The following RGL3 variants were observed in gnomAD, a reference collection of about 807,000 sequenced individuals.
RGL3 encodes the protein ral guanine nucleotide dissociation stimulator like 3.
Under a neutral mutation model 90.6 loss-of-function variants are expected in RGL3, and 85 were observed. The ratio of observed to expected loss-of-function variants is 0.94; its 90% CI spans 0.79 to 1.12. The LOEUF (loss-of-function observed/expected upper bound fraction) is 1.12. Among genes scored for constraint, RGL3 ranks in the 50% most tolerant of loss-of-function variants. The probability of loss-of-function intolerance (pLI) is 0.00; values close to 1 mark genes in which losing one functional copy is unlikely to be tolerated. For missense variants in RGL3, 1,034 were observed against 939.2 expected (o/e 1.10, Z -1.32); for synonymous variants, 408 against 385.5 (o/e 1.06, Z -0.68).
At chr19:11,401,427 G>A (rs1479415398) in intron 13 of RGL3, among the ~76,000 whole-genome samples, 2 of 144,498 alleles carry the variant, frequency 1.4e-5, no homozygotes, top group African/African-American at 5.2e-5. Flanking sequence ...ACGGAGTCTC[G>A]CTCTGTTGCC....
In RGL3 at chr19:11,416,059, C is replaced by T. The variant is rs200092682; in HGVS notation, c.515G>A (p.Arg172Gln). 1.5e-5 allele frequency: 24 copies of T among 1,613,462 alleles called. No individual in the cohort carries two copies. The highest frequency in any genetic ancestry group is 5.3e-5 in the African/African-American group (4 of 74,940). ...HPAHSDLGSV[R>Q]TFLGWAAPGS... ...TGGGGCCGCCCAGCCCAGAAAGGTT[C>T]GGACACTGCCCAGGTCCGAATGGGC... is the stretch of plus-strand genomic sequence containing the variant. The change falls in exon 5 of 19, where the codon CGA (arginine) becomes CAA (glutamine). Residue 172 changes from arginine to glutamine, a missense_variant. By Grantham distance (43) the Arg-to-Gln change is conservative. Transcript: ENST00000380456.
At chr19:11,409,689 A>G (rs1013003196) in intron 5 of RGL3, among the ~76,000 whole-genome samples, 8 of 152,182 alleles carry the variant, frequency 5.3e-5, no homozygotes, top group Non-Finnish European at 1.0e-4. Flanking sequence ...TGATGTCCCC[A>G]GAACCTATGT....
chr19:11,408,197 C>T (rs1286750537), intron 5 of RGL3, among the ~76,000 whole-genome samples: 1 of 152,228 alleles, frequency 6.6e-6, no homozygotes, highest in East Asian at 1.9e-4. Flanking sequence ...AACACCTGGG[C>T]TCAAGCGATC....
Position 11,402,824 on chromosome 19 carries a change from T to C in RGL3, c.1186-118A>G, listed in dbSNP as rs1255571804. 316 of 894,022 alleles carry C rather than the reference T, an allele frequency of 3.5e-4. 4 individuals carry two copies. The highest frequency in any genetic ancestry group is 3.6e-5 in the Non-Finnish European group (21 of 576,924). 55.4% of individuals were successfully genotyped at this position (894,022 alleles called of 1,614,324 possible). The stretch of plus-strand genomic sequence containing the variant: ...GCTTTGAGTAATCAAAAGTCAGTGG[T>C]AGGCCAGGTGCGATGGCTCACGCCT... On this transcript the variant is annotated intron_variant, in intron 9 of 18. Transcript: ENST00000380456.
intron 5 of RGL3, among the ~76,000 whole-genome samples, chr19:11,409,158 A>G (rs1599438647): frequency 6.8e-6 from 1 of 147,598 alleles, no homozygotes. Flanking sequence ...TGGGTGACAG[A>G]GACTTTGTCT....
intron 9 of RGL3, among the ~76,000 whole-genome samples, chr19:11,403,937 A>C (rs1968725100): frequency 1.3e-5 from 2 of 152,234 alleles, no homozygotes. Context: ...GCTGGAGTGC[A>C]GTGGCCTGAT....
chr19:11,419,200 G>A (rs377750664), intron 1 of RGL3, 46 bp downstream of exon 1: 4 of 1,578,340 alleles, frequency 2.5e-6, no homozygotes, highest in Non-Finnish European at 3.4e-6. Context: ...TTCTGGACCT[G>A]CGGGTCACCA....
In RGL3 at chr19:11,417,050, G is replaced by C. The variant is rs1156252339; in HGVS notation, c.157C>G (p.Pro53Ala). The change falls in exon 3 of 19, where the codon CCC (proline) becomes GCC (alanine). Residue 53 changes from proline to alanine, a missense_variant. Physicochemically the swap from Pro to Ala is conservative, Grantham distance 27. Coordinates refer to ENST00000380456, the MANE Select transcript of RGL3 (RefSeq NM_001035223.4). ...EGPGGSQAPS[P>A]IANTFLHYRT... is the part of the protein sequence containing the mutation. ...TAGTGGAGGAAGGTATTGGCAATGGGGCTGGGAGCCTGCAGGAGGGGAGAG... is the reference window on the plus strand; with the variant it reads ...TAGTGGAGGAAGGTATTGGCAATGGCGCTGGGAGCCTGCAGGAGGGGAGAG... The C allele has an allele frequency of 1.3e-6, 2 of 1,598,766 alleles. No individual in the cohort carries two copies. The highest frequency in any genetic ancestry group is 2.2e-5 in the East Asian group (1 of 44,782).
At chr19:11,403,330 C>T (rs1441240647) in intron 9 of RGL3, among the ~76,000 whole-genome samples, 4 of 147,400 alleles carry the variant, frequency 2.7e-5, no homozygotes, top group South Asian at 2.2e-4. Flanking sequence ...CCACCGTGCC[C>T]GGCCAAAAAA....
chr19:11,406,711 G>C lies in RGL3; in HGVS notation c.780+11C>G. 1 of 1,613,300 alleles carries C rather than the reference G, an allele frequency of 6.2e-7. No individual in the cohort carries two copies. The highest frequency in any genetic ancestry group is 8.5e-7 in the Non-Finnish European group (1 of 1,179,824). ...ACTGTGGCTCATCCCGACCCTGTCC[G>C]GGATCCTCACCAAGTCTATGAGGGT... On this transcript the variant is annotated intron_variant, in intron 6 of 18. Transcript: ENST00000380456.
chr19:11,413,922 A>ATT (rs1456799704), intron 5 of RGL3, among the ~76,000 whole-genome samples: 10 of 147,648 alleles, frequency 6.8e-5, no homozygotes, highest in African/African-American at 2.5e-4. Context: ...ATTTTTTTGT[A>ATT]TTTTTAGTAG....
intron 5 of RGL3, 120 bp from the exon 6 acceptor site, chr19:11,406,984 T>G (rs1480538235): frequency 2.9e-6 from 3 of 1,045,568 alleles, no homozygotes; most frequent in African/African-American, 3.3e-5. Flanking sequence ...CGGAGAGCTC[T>G]CTTAAATTTT....
intron 5 of RGL3, among the ~76,000 whole-genome samples, chr19:11,408,213 T>C (rs1968814485): frequency 6.6e-6 from 1 of 152,232 alleles, no homozygotes; most frequent in African/African-American, 2.4e-5. Context: ...CGATCCTCCC[T>C]CTTGGCTTCC....
chr19:11,415,164 A>G (rs1968971566), intron 5 of RGL3, among the ~76,000 whole-genome samples: 1 of 151,700 alleles, frequency 6.6e-6, no homozygotes, highest in Non-Finnish European at 1.5e-5. Context: ...AAATTAAATT[A>G]AATTAAATTT....
intron 16 of RGL3, 79 bp from the exon 17 acceptor site, chr19:11,397,676 C>G: frequency 5.9e-6 from 8 of 1,358,400 alleles, no homozygotes; most frequent in Non-Finnish European, 7.8e-6. Flanking sequence ...AACACCCCAG[C>G]CACCACTGGT....
intron 5 of RGL3, 115 bp downstream of exon 5, chr19:11,415,822 G>T: frequency 1.1e-6 from 1 of 932,970 alleles, no homozygotes. Flanking sequence ...TTGAGGCTTA[G>T]AGTTTAAAAT....
rs1404174189 is a variant in RGL3 at position 11,405,241 on chromosome 19, CAGG to C, written c.1101-13_1101-11del. The C allele has an allele frequency of 5.0e-6, 8 of 1,613,840 alleles. No homozygotes were observed. Among genetic ancestry groups the C allele is most frequent in the African/African-American group, 1.3e-5 (1 of 74,924 alleles). ...AGTAGATAGCGGTTCCCTGGAAGGA[CAGG>C]AGAAGGGTGGTCAGGGGTCAGTGGC... is the stretch of plus-strand genomic sequence containing the variant. On this transcript the variant is annotated splice_polypyrimidine_tract_variant and intron_variant, in intron 8 of 18. Transcript: ENST00000380456.
At chr19:11,417,146 C>CT (rs371191654) in intron 2 of RGL3, 87 bp from the exon 3 acceptor site, 34,591 of 652,382 alleles carry the variant, frequency 0.053, 64 homozygotes, top group Non-Finnish European at 0.058. Context: ...TAGCACCACT[C>CT]TTTTTTTTTT....
rs375198789 is a variant in RGL3 at position 11,399,845 on chromosome 19, G to A, written c.1746+10C>T. 2.7e-5 allele frequency: 39 copies of A among 1,459,704 alleles called. No homozygotes were observed. The Admixed American group carries it at 3.7e-4, about 14-fold the overall frequency. The allele number at this position is 1,459,704 out of a possible 1,614,324, so 90.4% of individuals were successfully genotyped here. A position where few individuals can be genotyped will look rare whatever the true frequency, so the allele number is the denominator to read the frequency against. ...GCAGGCCCGCATGCACACACAAGCC[G>A]TCTTGGTACCTTGGTGCTGGGGCCC... On this transcript the variant is annotated intron_variant, in intron 16 of 18. Coordinates refer to ENST00000380456, the MANE Select transcript of RGL3 (RefSeq NM_001035223.4).
Sources: gnomAD v4.1 joint callset for allele counts (sites outside exome capture counted in the v4.1 genomes callset) on GRCh38, gnomAD v4.1.1 for gene constraint, MANE v1.5 for transcripts, NCBI Gene and HGNC (gene_info 2026-07-23, HGNC 2026-07-21) for gene names.